Variants in YTHDC2 observed in about 807,000 individuals in gnomAD.
The protein encoded by YTHDC2 is YTH N6-methyladenosine RNA binding protein C2.
Under a neutral mutation model 174.9 loss-of-function variants are expected in YTHDC2, and 45 were observed. That is an observed-to-expected ratio of 0.26 (90% CI 0.20 to 0.33). The LOEUF (loss-of-function observed/expected upper bound fraction) is 0.33, where lower values mean the gene tolerates loss of function less well. Among genes scored for constraint, YTHDC2 ranks in the 10% least tolerant of loss-of-function variants. YTHDC2 has a pLI of 1.00. For synonymous variants in YTHDC2, 657 were observed against 574.5 expected (o/e 1.14, Z -2.05); for missense variants, 1,650 against 1,723.7 (o/e 0.96, Z 0.76).
At chr5:113,553,741 A>T in intron 14 of YTHDC2, 26 bp from the exon 15 acceptor site, 1 of 1,612,146 alleles carries the variant, frequency 6.2e-7, no homozygotes. Context: ...GTCTTATAGT[A>T]TGTTTTCTCT....
chr5:113,538,081 T>A (rs1775204967), intron 7 of YTHDC2, among the ~76,000 whole-genome samples: 3 of 152,202 alleles, frequency 2.0e-5, no homozygotes, highest in Non-Finnish European at 4.4e-5. Context: ...AGGACTATAT[T>A]TGACACTTTA....
At position 113,540,941 on chromosome 5, in the gene YTHDC2, A is replaced by C; in HGVS notation, c.1211-27A>C. 3.1e-6 allele frequency: 5 copies of C among 1,595,372 alleles called. 1 individual carries two copies. The highest frequency in any genetic ancestry group is 1.3e-5 in the African/African-American group (1 of 74,172). On this transcript the variant is annotated intron_variant, in intron 8 of 29. Coordinates refer to ENST00000161863, the MANE Select transcript of YTHDC2 (RefSeq NM_022828.5). ...TTCAAAAAGGAAATGATTTGTCTAC[A>C]TATTCTTTCTTTGATAATTAATTTA...
chr5:113,545,296 T>C (rs1340500279), intron 10 of YTHDC2, among the ~76,000 whole-genome samples: 1 of 152,178 alleles, frequency 6.6e-6, no homozygotes, highest in East Asian at 1.9e-4. Flanking sequence ...TTTGACTTTT[T>C]TTTTCTCTTT....
intron 12 of YTHDC2, among the ~76,000 whole-genome samples, chr5:113,550,549 G>T (rs1313800544): frequency 6.6e-6 from 1 of 152,088 alleles, no homozygotes; most frequent in African/African-American, 2.4e-5. Context: ...GGAAAGTGTA[G>T]GGAAGTGGAA....
rs780813627 is a variant in YTHDC2 at position 113,513,992 on chromosome 5, G to T, written c.97G>T (p.Ala33Ser). ...TTGTGGCCCTGGGGGCGGCGGCCGG[G>T]CCAAGGGGCTGAAGGACATTCGCAT... ...SPCGPGGGGR[A>S]KGLKDIRIDE... Residue 33 changes from alanine (A) to serine (S), a missense_variant, in exon 1 of 30, where the codon GCC (alanine) becomes TCC (serine). Transcript: ENST00000161863. 5 of 1,606,200 alleles carry T rather than the reference G, an allele frequency of 3.1e-6. No homozygotes were observed. Among genetic ancestry groups the T allele is most frequent in the Middle Eastern group, 1.7e-4 (1 of 6,010 alleles).
At chr5:113,535,496 T>G (rs931498004) in intron 6 of YTHDC2, 146 bp from the exon 7 acceptor site, 2 of 699,150 alleles carry the variant, frequency 2.9e-6, no homozygotes, top group Non-Finnish European at 4.3e-6. Context: ...CTGAAATTCC[T>G]GTAATACAAA....
At chr5:113,541,233 C>T (rs1775437486) in intron 9 of YTHDC2, 117 bp downstream of exon 9, 2 of 1,181,538 alleles carry the variant, frequency 1.7e-6, no homozygotes, top group Non-Finnish European at 2.4e-6. Flanking sequence ...GCTCTGTGGC[C>T]CAGGCTGGAG....
chr5:113,537,360 T>C (rs914286403), intron 7 of YTHDC2, among the ~76,000 whole-genome samples: 1 of 109,104 alleles, frequency 9.2e-6, no homozygotes, highest in Non-Finnish European at 1.7e-5. Flanking sequence ...TGGCTCTCTC[T>C]CTTTTTTTTT....
In YTHDC2 at chr5:113,564,510, T is replaced by G. The variant is rs1044932409; in HGVS notation, c.2715+379T>G. ...AAAGCTTATAAGAAAATTATATTGA[T>G]GTAATATCTATCGATTTTTCTTAGA... On this transcript the variant is annotated intron_variant, in intron 20 of 29. Coordinates refer to ENST00000161863, the MANE Select transcript of YTHDC2 (RefSeq NM_022828.5). 3.3e-5 allele frequency among the ~76,000 whole-genome samples: 5 copies of G among 152,314 alleles called. No individual in the cohort carries two copies. The East Asian group carries it at 9.7e-4, about 29-fold the overall frequency.
intron 6 of YTHDC2, among the ~76,000 whole-genome samples, chr5:113,534,741 T>C (rs1774940317): frequency 6.6e-6 from 1 of 152,162 alleles, no homozygotes; most frequent in South Asian, 2.1e-4. Flanking sequence ...AGATTTCTTT[T>C]ATCTCTATAC....
chr5:113,537,067 CAAT>C (rs1775131070), intron 7 of YTHDC2, among the ~76,000 whole-genome samples: 1 of 152,122 alleles, frequency 6.6e-6, no homozygotes, highest in African/African-American at 2.4e-5. Flanking sequence ...CCCCTGCCAA[CAAT>C]GTTATAATGA....
Position 113,592,431 on chromosome 5 carries a change from C to T in YTHDC2, c.4212+253C>T, listed in dbSNP as rs1779058835. ...GGCTTTAATTATGTAAAGTAAATAA[C>T]CTTTTTATATTCTAGTGGCTTGTTT... is the stretch of plus-strand genomic sequence containing the variant. On this transcript the variant is annotated intron_variant, in intron 28 of 29. Coordinates refer to ENST00000161863, the MANE Select transcript of YTHDC2 (RefSeq NM_022828.5). 4 of 307,036 alleles carry T rather than the reference C, an allele frequency of 1.3e-5. No homozygotes were observed. In the East Asian group the frequency reaches 2.3e-4, roughly 18 times the overall value. The allele number at this position is 307,036 out of a possible 1,614,324, so 19.0% of individuals were successfully genotyped here.
At chr5:113,588,227 C>A (rs1296997811) in intron 26 of YTHDC2, among the ~76,000 whole-genome samples, 1 of 151,980 alleles carries the variant, frequency 6.6e-6, no homozygotes, top group African/African-American at 2.4e-5. Flanking sequence ...TGGCCAGAGC[C>A]TCCAGCAAAA....
In YTHDC2 at chr5:113,581,411, T is replaced by C. The variant is rs965964596; in HGVS notation, c.3355-6T>C. The C allele has an allele frequency of 6.3e-7, 1 of 1,592,882 alleles. No homozygotes were observed. The highest frequency in any genetic ancestry group is 8.5e-7 in the Non-Finnish European group (1 of 1,170,886). ...CATTTGCTTGTATCTATTTGAACTA[T>C]TACAGGCAGCTAGTTTATTGCTGCA... On this transcript the variant is annotated splice_polypyrimidine_tract_variant and splice_region_variant and intron_variant, in intron 24 of 29. Coordinates refer to ENST00000161863, the MANE Select transcript of YTHDC2 (RefSeq NM_022828.5).
chr5:113,527,195 T>C (rs952235265), intron 4 of YTHDC2, among the ~76,000 whole-genome samples: 16 of 152,200 alleles, frequency 1.1e-4, no homozygotes, highest in African/African-American at 3.6e-4. Context: ...TAATCATTGC[T>C]ACCTTTCACA....
rs563123336 is a variant in YTHDC2 at position 113,544,147 on chromosome 5, A to G, written c.1495+1644A>G. ...TGAAAAATCTTTGTTGAATAATGATATTATTATTATTGTTATTTTTGAGAC... is the reference window on the plus strand; with the variant it reads ...TGAAAAATCTTTGTTGAATAATGATGTTATTATTATTGTTATTTTTGAGAC... On this transcript the variant is annotated intron_variant, in intron 10 of 29. Coordinates refer to ENST00000161863, the MANE Select transcript of YTHDC2 (RefSeq NM_022828.5). 9.2e-5 allele frequency among the ~76,000 whole-genome samples: 14 copies of G among 152,178 alleles called. No homozygotes were observed. The South Asian group carries it at 2.9e-3, about 32-fold the overall frequency.
intron 18 of YTHDC2, among the ~76,000 whole-genome samples, chr5:113,562,476 T>C (rs1472142976): frequency 6.6e-6 from 1 of 152,148 alleles, no homozygotes; most frequent in Admixed American, 6.5e-5. Flanking sequence ...AATGCTTATG[T>C]GTGATTTTCT....
chr5:113,557,100 A>T (rs763556556), intron 17 of YTHDC2, among the ~76,000 whole-genome samples: 3 of 152,240 alleles, frequency 2.0e-5, no homozygotes, highest in Non-Finnish European at 4.4e-5. Flanking sequence ...ACACAAATGC[A>T]TCGAGAAGTC....
chr5:113,517,871 AC>A (rs1773573446), intron 2 of YTHDC2, among the ~76,000 whole-genome samples: 1 of 151,822 alleles, frequency 6.6e-6, no homozygotes, highest in African/African-American at 2.4e-5. Context: ...TTTTCTGTTC[AC>A]CCTTTGACTT....
Sources: allele counts gnomAD v4.1 joint callset (sites outside exome capture counted in the v4.1 genomes callset), GRCh38; gene constraint gnomAD v4.1.1; transcripts MANE v1.5; gene names NCBI Gene and HGNC (gene_info 2026-07-23, HGNC 2026-07-21).